Variants in ACVR1B observed in about 807,000 individuals in gnomAD.
ACVR1B encodes activin receptor type-1B.
Under a neutral mutation model 55.6 loss-of-function variants are expected in ACVR1B, and 15 were observed. The observed-to-expected ratio is 0.27, with a 90% confidence interval of 0.18 to 0.42. The LOEUF is 0.42. Among genes scored for constraint, ACVR1B ranks in the 10% least tolerant of loss-of-function variants. The pLI is 1.00. For synonymous variants in ACVR1B, 247 were observed against 254.6 expected, an observed-to-expected ratio of 0.97 and a Z score of 0.28; for missense variants, 359 against 670.1, an observed-to-expected ratio of 0.54 and a Z score of 5.13.
intron 1 of ACVR1B, among the ~76,000 whole-genome samples, chr12:51,957,302 C>T (rs1367446097): frequency 1.3e-5 from 2 of 151,800 alleles, no homozygotes; most frequent in African/African-American, 4.8e-5. Flanking sequence ...AAAAATTAGC[C>T]AGGTGTGGTG....
chr12:51,974,546 T>C (rs771780228), intron 1 of ACVR1B, among the ~76,000 whole-genome samples: 3 of 152,186 alleles, frequency 2.0e-5, no homozygotes, highest in Non-Finnish European at 2.9e-5. Flanking sequence ...CATGCGTGAA[T>C]GCATGTGCAT....
intron 3 of ACVR1B, 71 bp from the exon 4 acceptor site, chr12:51,980,898 C>T (rs1592256333): frequency 7.5e-7 from 1 of 1,338,970 alleles, no homozygotes; most frequent in South Asian, 1.4e-5. Context: ...TCCGTTGTGC[C>T]AATTAGTGTG....
At chr12:51,967,255 A>G in intron 1 of ACVR1B, among the ~76,000 whole-genome samples, 1 of 150,050 alleles carries the variant, frequency 6.7e-6, no homozygotes, top group South Asian at 2.1e-4. Context: ...AAAACCAAAC[A>G]AACAAACAAA....
chr12:51,982,844 T>C (rs1218738552), intron 4 of ACVR1B: 4 of 1,465,980 alleles, frequency 2.7e-6, no homozygotes, highest in Middle Eastern at 1.8e-4. Context: ...CACCTTTTGA[T>C]AAAATTTAAA....
At chr12:51,964,674 T>C (rs188625207) in intron 1 of ACVR1B, among the ~76,000 whole-genome samples, 62 of 152,336 alleles carry the variant, frequency 4.1e-4, no homozygotes, top group African/African-American at 1.5e-3. Context: ...CTTCATTCTT[T>C]CGCATGTGGT....
intron 2 of ACVR1B, among the ~76,000 whole-genome samples, 155 bp from the exon 3 acceptor site, chr12:51,976,172 G>GA (rs3214829): frequency 0.41 from 62,341 of 152,028 alleles, 15,380 homozygotes; most frequent in African/African-American, 0.67. Flanking sequence ...CATCTAGGCA[G>GA]CAAGACTAGC....
At chr12:51,990,208 G>A (rs1272748090) in intron 7 of ACVR1B, among the ~76,000 whole-genome samples, 4 of 151,150 alleles carry the variant, frequency 2.6e-5, no homozygotes, top group East Asian at 2.0e-4. Flanking sequence ...CAGAAGAATC[G>A]CTTGTACCCG....
intron 1 of ACVR1B, among the ~76,000 whole-genome samples, chr12:51,967,199 C>T (rs951133567): frequency 6.6e-5 from 10 of 151,514 alleles, no homozygotes; most frequent in African/African-American, 1.5e-4. Context: ...GAGATTGTGC[C>T]ACTGCACTCC....
chr12:51,982,709 C>T lies in ACVR1B; in HGVS notation c.812-1290C>T, dbSNP rs1439257163. On this transcript the variant is annotated intron_variant, in intron 4 of 8. Transcript: ENST00000257963. ...AGCAGACTGCTCATTCCTCACATTG[C>T]CATGGGAAGTTGTAATGGTCTCTGC... 5.2e-6 allele frequency: 8 copies of T among 1,532,610 alleles called. No individual in the cohort carries two copies. In the South Asian group the frequency reaches 9.6e-5, roughly 18 times the overall value. 94.9% of individuals were successfully genotyped at this position (1,532,610 alleles called of 1,614,324 possible).
At chr12:51,960,078 A>G (rs547365416) in intron 1 of ACVR1B, 12 of 152,344 alleles carry the variant, frequency 7.9e-5, no homozygotes, top group Non-Finnish European at 1.5e-4. Flanking sequence ...ACCAAGCTGA[A>G]TGCTGAGAGG....
intron 4 of ACVR1B, among the ~76,000 whole-genome samples, chr12:51,981,675 T>C (rs1941981930): frequency 6.6e-6 from 1 of 151,930 alleles, no homozygotes; most frequent in Admixed American, 6.6e-5. Context: ...CTACTAAAAA[T>C]ACAAAAATGA....
At chr12:51,977,619 T>G (rs1264371441) in intron 3 of ACVR1B, among the ~76,000 whole-genome samples, 1 of 150,010 alleles carries the variant, frequency 6.7e-6, no homozygotes, top group Admixed American at 6.6e-5. Context: ...TTTTTTTTTT[T>G]TTTTTTTTTG....
At chr12:51,953,590 G>T in intron 1 of ACVR1B, 3 of 872,050 alleles carry the variant, frequency 3.4e-6, no homozygotes, top group African/African-American at 2.0e-5. Flanking sequence ...TCTCTACTGG[G>T]TAGTAAAAAA....
intron 1 of ACVR1B, among the ~76,000 whole-genome samples, chr12:51,969,778 G>T (rs1941711613): frequency 1.3e-5 from 2 of 152,184 alleles, no homozygotes; most frequent in African/African-American, 4.8e-5. Flanking sequence ...TAACTACTGA[G>T]GAGGCTGAGG....
chr12:51,965,137 A>G (rs184695084), intron 1 of ACVR1B, among the ~76,000 whole-genome samples: 2 of 152,332 alleles, frequency 1.3e-5, no homozygotes, highest in Admixed American at 6.5e-5. Context: ...TTCAGTATCA[A>G]TTTGCAAAAA....
intron 1 of ACVR1B, among the ~76,000 whole-genome samples, chr12:51,968,809 C>CA (rs1941690918): frequency 6.6e-6 from 1 of 152,130 alleles, no homozygotes; most frequent in Admixed American, 6.5e-5. Context: ...CTGCAAAATC[C>CA]AAAATTTTTT....
Position 51,996,845 on chromosome 12 carries a change from A to G in ACVR1B, c.*2735A>G, listed in dbSNP as rs1592266553. 2 of 152,628 alleles carry G rather than the reference A, an allele frequency of 1.3e-5. No homozygotes were observed. The highest frequency in any genetic ancestry group is 4.8e-5 in the African/African-American group (2 of 41,442). 9.5% of individuals were successfully genotyped at this position (152,628 alleles called of 1,614,324 possible). Reference sequence around the variant, plus strand: ...CTGCACCTCTGGATTCTGGATTCACAGACCAAGTCCAAGCCCGTTCTTACG... The same window carrying G: ...CTGCACCTCTGGATTCTGGATTCACGGACCAAGTCCAAGCCCGTTCTTACG... On this transcript the variant is annotated 3_prime_UTR_variant, in exon 9 of 9. Coordinates refer to ENST00000257963, the MANE Select transcript of ACVR1B (RefSeq NM_004302.5).
chr12:51,988,246 G>A (rs1942119797), intron 7 of ACVR1B, among the ~76,000 whole-genome samples: 1 of 152,132 alleles, frequency 6.6e-6, no homozygotes, highest in African/African-American at 2.4e-5. Context: ...CAAGGCAGGC[G>A]GATCACGAGG....
intron 7 of ACVR1B, chr12:51,987,651 C>T (rs1370706043): frequency 1.3e-5 from 2 of 158,476 alleles, no homozygotes; most frequent in African/African-American, 4.8e-5. Context: ...AAAAAAAGAA[C>T]TGGTGGTGCT....
Sources: gnomAD v4.1 joint callset for allele counts (sites outside exome capture counted in the v4.1 genomes callset) on GRCh38, gnomAD v4.1.1 for gene constraint, MANE v1.5 for transcripts, NCBI Gene and HGNC (gene_info 2026-07-23, HGNC 2026-07-21) for gene names.